Variants in CCDC178 observed in about 807,000 individuals in gnomAD.
CCDC178 encodes coiled-coil domain containing 178.
A neutral mutation model predicts 117.4 loss-of-function variants in CCDC178; 126 were observed. The ratio of observed to expected loss-of-function variants is 1.07; its 90% confidence interval spans 0.93 to 1.24. The LOEUF is 1.24. CCDC178 is among the 50% of genes most tolerant of loss of function. CCDC178 has a pLI of 0.00. For missense variants in CCDC178, 1,030 were observed against 986.9 expected, an observed-to-expected ratio of 1.04 and a Z score of -0.59; for synonymous variants, 283 against 313.4, an observed-to-expected ratio of 0.90 and a Z score of 1.02.
chr18:33,032,093 A>G (rs1163622478), intron 21 of CCDC178, among the ~76,000 whole-genome samples: 3 of 152,172 alleles, frequency 2.0e-5, no homozygotes, highest in East Asian at 1.9e-4. Flanking sequence ...TTTAAGGAAA[A>G]GAATTGTTTC....
At chr18:33,093,716 A>G (rs1274911342) in intron 20 of CCDC178, among the ~76,000 whole-genome samples, 1 of 151,790 alleles carries the variant, frequency 6.6e-6, no homozygotes, top group Non-Finnish European at 1.5e-5. Context: ...ACTTACTCTG[A>G]CTGCTTAAAA....
intron 5 of CCDC178, among the ~76,000 whole-genome samples, chr18:33,384,069 G>A (rs755861680): frequency 4.6e-5 from 7 of 151,962 alleles, no homozygotes; most frequent in Non-Finnish European, 8.8e-5. Flanking sequence ...TGATGCAAAC[G>A]TAAGTATCAA....
intron 2 of CCDC178, among the ~76,000 whole-genome samples, chr18:33,432,232 C>G (rs1291016009): frequency 1.3e-5 from 2 of 152,058 alleles, no homozygotes; most frequent in African/African-American, 4.8e-5. Context: ...AAATTTGCTG[C>G]TAAACTAGTA....
At chr18:33,055,169 G>A (rs117287779) in intron 21 of CCDC178, among the ~76,000 whole-genome samples, 4,737 of 151,904 alleles carry the variant, frequency 0.031, 109 homozygotes, top group Non-Finnish European at 0.049. Flanking sequence ...CTGGATATTA[G>A]ACCTTTGTCA....
At chr18:33,198,315 C>T (rs1487793069) in intron 20 of CCDC178, among the ~76,000 whole-genome samples, 1 of 152,138 alleles carries the variant, frequency 6.6e-6, no homozygotes, top group East Asian at 1.9e-4. Context: ...TCCTAAAAGG[C>T]TTAAACAAAT....
At chr18:33,207,520 CAGTGGGAATGGAAAATGA>C (rs1235006949) in intron 20 of CCDC178, among the ~76,000 whole-genome samples, 15 of 149,464 alleles carry the variant, frequency 1.0e-4, no homozygotes, top group African/African-American at 3.7e-4. Flanking sequence ...ATTCATTTTC[CAGTGGGAATGGAAAATGA>C]ATGTTCCCTG....
chr18:33,250,495 C>T (rs2059608626), intron 14 of CCDC178, among the ~76,000 whole-genome samples: 1 of 151,352 alleles, frequency 6.6e-6, no homozygotes. Flanking sequence ...AGTGCAGCAA[C>T]AGTAATATCA....
intron 22 of CCDC178, among the ~76,000 whole-genome samples, chr18:32,947,383 A>G (rs1395539924): frequency 6.6e-6 from 1 of 152,196 alleles, no homozygotes; most frequent in African/African-American, 2.4e-5. Context: ...TCAGTATTTT[A>G]ATTGTAGCCA....
chr18:33,091,747 G>C (rs2145070997), intron 21 of CCDC178, among the ~76,000 whole-genome samples: 1 of 152,286 alleles, frequency 6.6e-6, no homozygotes, highest in Middle Eastern at 3.4e-3. Context: ...GGGGATGCCA[G>C]ATGAATGTAA....
chr18:33,395,033 T>A (rs1470253085), intron 4 of CCDC178, among the ~76,000 whole-genome samples: 2 of 136,276 alleles, frequency 1.5e-5, no homozygotes, highest in African/African-American at 2.7e-5. Context: ...TAGGACAAAA[T>A]CTAAAGGAGA....
At chr18:33,333,738 G>T (rs909845817) in intron 9 of CCDC178, among the ~76,000 whole-genome samples, 2 of 151,598 alleles carry the variant, frequency 1.3e-5, no homozygotes, top group Admixed American at 1.3e-4. Context: ...TCTCAAACTC[G>T]CGACCTCAGG....
At chr18:33,371,784 T>TACACAC (rs146013235) in intron 5 of CCDC178, among the ~76,000 whole-genome samples, 50,011 of 143,964 alleles carry the variant, frequency 0.35, 8,802 homozygotes, top group East Asian at 0.51. Context: ...TAAACATATA[T>TACACAC]ACACACACAC....
intron 20 of CCDC178, among the ~76,000 whole-genome samples, chr18:33,173,434 C>A (rs1265489795): frequency 6.6e-6 from 1 of 152,094 alleles, no homozygotes; most frequent in African/African-American, 2.4e-5. Context: ...GCTATTTTGA[C>A]CTTCCTCAAA....
chr18:33,435,547 T>C (rs902606837), intron 2 of CCDC178, among the ~76,000 whole-genome samples: 1 of 151,950 alleles, frequency 6.6e-6, no homozygotes, highest in Non-Finnish European at 1.5e-5. Context: ...TGTAGGAATA[T>C]ATCAGTCAAC....
chr18:33,000,498 A>T (rs1330870002), intron 21 of CCDC178, among the ~76,000 whole-genome samples: 2 of 152,198 alleles, frequency 1.3e-5, no homozygotes. Context: ...AATATAGAAC[A>T]CCAAACAGAT....
chr18:33,219,206 C>A (rs1568065040), intron 18 of CCDC178, among the ~76,000 whole-genome samples: 3 of 152,024 alleles, frequency 2.0e-5, no homozygotes, highest in Admixed American at 6.6e-5. Context: ...CAGAGAAATG[C>A]AAATCAATAT....
At chr18:33,075,170 A>G (rs1233988845) in intron 21 of CCDC178, among the ~76,000 whole-genome samples, 1 of 152,172 alleles carries the variant, frequency 6.6e-6, no homozygotes, top group African/African-American at 2.4e-5. Context: ...ATCTTCTATG[A>G]ATGCCTCTTT....
chr18:33,049,210 GT>G (rs2056699119), intron 21 of CCDC178, among the ~76,000 whole-genome samples: 1 of 152,046 alleles, frequency 6.6e-6, no homozygotes, highest in African/African-American at 2.4e-5. Flanking sequence ...ACATTTAGTG[GT>G]TTTTTAATTT....
intron 19 of CCDC178, among the ~76,000 whole-genome samples, chr18:33,214,359 T>C (rs271551): frequency 0.092 from 13,914 of 152,064 alleles, 793 homozygotes; most frequent in African/African-American, 0.16. Context: ...CTAATTCTTT[T>C]TCTCCTTTTC....
Sources: gnomAD v4.1 joint callset for allele counts (sites outside exome capture counted in the v4.1 genomes callset) on GRCh38, gnomAD v4.1.1 for gene constraint, MANE v1.5 for transcripts, NCBI Gene and HGNC (gene_info 2026-07-23, HGNC 2026-07-21) for gene names.